RIT2: variants seen among roughly 807,000 people sequenced by gnomAD.
RIT2 encodes the protein GTP-binding protein Rit2.
A neutral mutation model predicts 23.7 loss-of-function variants in RIT2; 24 were observed. The observed-to-expected ratio is 1.01, with a 90% CI of 0.73 to 1.43. RIT2 has a LOEUF of 1.43. RIT2 is among the 40% of genes most tolerant of loss of function. The pLI is 0.00. For missense variants in RIT2, 236 were observed against 266.9 expected (o/e 0.88, Z 0.81); for synonymous variants, 107 against 91.1 (o/e 1.17, Z -0.99).
In RIT2 at chr18:42,825,952, G is replaced by A. The variant is rs901192807; in HGVS notation, c.427-82232C>T. On this transcript the variant is annotated intron_variant, in intron 4 of 4. Coordinates refer to ENST00000326695, the MANE Select transcript of RIT2 (RefSeq NM_002930.4). ...TATATAAATGCATAATTTTCATCTGGTGGAATTGCAATTAATTATTGCCCT... is the reference window on the plus strand; with the variant it reads ...TATATAAATGCATAATTTTCATCTGATGGAATTGCAATTAATTATTGCCCT... 3.6e-4 allele frequency among the ~76,000 whole-genome samples: 54 copies of A among 151,858 alleles called. 1 individual carries two copies. The highest frequency in any genetic ancestry group is 2.0e-3 in the Admixed American group (31 of 15,248).
chr18:42,936,497 C>T (rs1305377517), intron 3 of RIT2, among the ~76,000 whole-genome samples: 1 of 152,124 alleles, frequency 6.6e-6, no homozygotes, highest in Admixed American at 6.6e-5. Context: ...AAACAGGAAC[C>T]ATTCTGAGTA....
chr18:43,006,304 AAAG>A (rs1312853046), intron 2 of RIT2, among the ~76,000 whole-genome samples: 1 of 151,552 alleles, frequency 6.6e-6, no homozygotes, highest in Non-Finnish European at 1.5e-5. Flanking sequence ...GTAGAAGAAG[AAAG>A]AAGGAAGAAG....
intron 4 of RIT2, among the ~76,000 whole-genome samples, chr18:42,748,135 C>T (rs1421261002): frequency 6.6e-6 from 1 of 151,152 alleles, no homozygotes; most frequent in African/African-American, 2.4e-5. Context: ...TTTGCAATCC[C>T]ATAGAGTGGA....
intron 1 of RIT2, among the ~76,000 whole-genome samples, chr18:43,068,217 G>C (rs1912814437): frequency 6.6e-6 from 1 of 152,092 alleles, no homozygotes; most frequent in Non-Finnish European, 1.5e-5. Context: ...CTCATTTAAG[G>C]CTCACAATAA....
At chr18:42,862,182 G>T (rs918798033) in intron 4 of RIT2, among the ~76,000 whole-genome samples, 1 of 152,112 alleles carries the variant, frequency 6.6e-6, no homozygotes, top group Non-Finnish European at 1.5e-5. Context: ...GATCATGGGG[G>T]CTGGTTCCCC....
intron 4 of RIT2, among the ~76,000 whole-genome samples, chr18:42,876,727 A>G (rs1293869956): frequency 6.6e-6 from 1 of 151,816 alleles, no homozygotes; most frequent in African/African-American, 2.4e-5. Flanking sequence ...AGTAATAGCC[A>G]AGAAGTAATA....
intron 4 of RIT2, among the ~76,000 whole-genome samples, chr18:42,862,603 A>G (rs997814297): frequency 6.6e-6 from 1 of 152,202 alleles, no homozygotes; most frequent in Non-Finnish European, 1.5e-5. Context: ...CTGGTTTTAA[A>G]TTGTAGTGCC....
intron 4 of RIT2, among the ~76,000 whole-genome samples, chr18:42,775,882 G>C (rs1626483): frequency 0.65 from 97,990 of 151,064 alleles, 35,598 homozygotes; most frequent in Middle Eastern, 0.84. Context: ...CACACACACA[G>C]AGATGTAAAT....
chr18:42,919,428 G>T lies in RIT2; in HGVS notation c.426+4144C>A, dbSNP rs536867743. On this transcript the variant is annotated intron_variant, in intron 4 of 4. Coordinates refer to ENST00000326695, the MANE Select transcript of RIT2 (RefSeq NM_002930.4). ...TTCAGGATATCTTCAGGATAAAACA[G>T]TTTGGCCGGGCGCAGTAGCTTATGC... 9.2e-5 allele frequency among the ~76,000 whole-genome samples: 14 copies of T among 152,122 alleles called. No homozygotes were observed. The East Asian group carries it at 2.7e-3, about 30-fold the overall frequency.
intron 3 of RIT2, among the ~76,000 whole-genome samples, chr18:42,925,724 G>A (rs1475504077): frequency 1.3e-5 from 2 of 151,466 alleles, no homozygotes. Context: ...AAATGCATCA[G>A]TTAATAGCTT....
At chr18:43,052,906 G>A (rs1057323966) in intron 1 of RIT2, among the ~76,000 whole-genome samples, 6 of 151,974 alleles carry the variant, frequency 3.9e-5, no homozygotes, top group African/African-American at 1.4e-4. Flanking sequence ...ACCAGTAAAG[G>A]CACATTGCAT....
intron 1 of RIT2, among the ~76,000 whole-genome samples, chr18:43,098,803 CACA>C (rs979778586): frequency 3.9e-5 from 6 of 151,958 alleles, no homozygotes; most frequent in African/African-American, 4.8e-5. Flanking sequence ...TGCCCATGAT[CACA>C]ACATTACTGA....
intron 4 of RIT2, among the ~76,000 whole-genome samples, chr18:42,766,619 G>C (rs148973275): frequency 1.3e-5 from 2 of 152,278 alleles, no homozygotes; most frequent in African/African-American, 4.8e-5. Flanking sequence ...AATTCAAGCC[G>C]GCTGTAGAAA....
chr18:42,813,170 GT>G (rs1905899778), intron 4 of RIT2, among the ~76,000 whole-genome samples: 1 of 152,086 alleles, frequency 6.6e-6, no homozygotes, highest in South Asian at 2.1e-4. Flanking sequence ...TAAATAGAGA[GT>G]TTTTACTAAA....
chr18:42,880,618 T>G (rs529989107), intron 4 of RIT2, among the ~76,000 whole-genome samples: 14 of 152,236 alleles, frequency 9.2e-5, no homozygotes, highest in African/African-American at 3.1e-4. Context: ...ATTATATTCC[T>G]TAGAGTTTCC....
intron 1 of RIT2, among the ~76,000 whole-genome samples, chr18:43,103,294 G>A (rs1318898101): frequency 1.3e-5 from 2 of 152,086 alleles, no homozygotes; most frequent in Non-Finnish European, 1.5e-5. Context: ...AGATGAAAAA[G>A]GGTATTATGT....
chr18:42,863,935 G>A (rs543126600), intron 4 of RIT2, among the ~76,000 whole-genome samples: 2 of 152,142 alleles, frequency 1.3e-5, no homozygotes, highest in East Asian at 1.9e-4. Flanking sequence ...AATTGCATCA[G>A]GTACTGGGTC....
At chr18:42,765,195 A>G (rs1913392321) in intron 4 of RIT2, among the ~76,000 whole-genome samples, 1 of 152,242 alleles carries the variant, frequency 6.6e-6, no homozygotes, top group South Asian at 2.1e-4. Flanking sequence ...ATATTTTAAG[A>G]ATCATGCATC....
chr18:42,915,088 T>C (rs1232564807), intron 4 of RIT2, among the ~76,000 whole-genome samples: 2 of 151,788 alleles, frequency 1.3e-5, no homozygotes, highest in African/African-American at 4.8e-5. Flanking sequence ...ATGGATATCA[T>C]TCATTTGGAT....
Sources: allele counts gnomAD v4.1 joint callset (sites outside exome capture counted in the v4.1 genomes callset), GRCh38; gene constraint gnomAD v4.1.1; transcripts MANE v1.5; gene names NCBI Gene and HGNC (gene_info 2026-07-23, HGNC 2026-07-21).